Variants in EDA observed in about 807,000 individuals in gnomAD.
EDA encodes ectodysplasin-A.
EDA carries 2 observed loss-of-function variants against 23.6 expected under a neutral mutation model. The observed-to-expected ratio is 0.08, with a 90% CI of 0.03 to 0.27. The LOEUF (loss-of-function observed/expected upper bound fraction) is 0.27. EDA is among the 10% of genes least tolerant of loss of function. EDA has a pLI of 1.00. For missense variants in EDA, 229 were observed against 324.2 expected, an observed-to-expected ratio of 0.71 and a Z score of 2.26; for synonymous variants, 131 against 132.0, an observed-to-expected ratio of 0.99 and a Z score of 0.05.
intron 1 of EDA, among the ~76,000 whole-genome samples, chrX:69,739,962 A>G (rs891102484): frequency 9.0e-6 from 1 of 111,348 alleles, no homozygotes; most frequent in Non-Finnish European, 1.9e-5. Context: ...AGAGTGTATT[A>G]TATTAACCTT....
At chrX:69,653,510 A>G in intron 1 of EDA, among the ~76,000 whole-genome samples, 1 of 111,082 alleles carries the variant, frequency 9.0e-6, no homozygotes, top group Non-Finnish European at 1.9e-5. Flanking sequence ...TTCCAACACT[A>G]TGTTGAATAG....
chrX:69,677,968 G>A (rs1458885399), intron 1 of EDA, among the ~76,000 whole-genome samples: 1 of 111,516 alleles, frequency 9.0e-6, no homozygotes, highest in East Asian at 2.8e-4. Flanking sequence ...TAACATTTAA[G>A]TCTTTAATCC....
intron 1 of EDA, among the ~76,000 whole-genome samples, chrX:69,856,367 G>C (rs1276726637): frequency 1.9e-5 from 2 of 104,506 alleles, no homozygotes; most frequent in African/African-American, 3.5e-5. Context: ...TATTTTCCTC[G>C]AGGTAGATAC....
At chrX:69,642,755 A>G (rs142179270) in intron 1 of EDA, among the ~76,000 whole-genome samples, 35 of 111,446 alleles carry the variant, frequency 3.1e-4, no homozygotes, top group African/African-American at 1.1e-3. Context: ...TAAATACCTC[A>G]CAGAAAACAA....
At chrX:69,706,306 G>T (rs2011719412) in intron 1 of EDA, among the ~76,000 whole-genome samples, 1 of 112,043 alleles carries the variant, frequency 8.9e-6, no homozygotes, top group South Asian at 3.7e-4. Flanking sequence ...GGTTAAAGAA[G>T]CAGGCCACCT....
chrX:69,763,485 T>C (rs5980851), intron 1 of EDA, among the ~76,000 whole-genome samples: 6,718 of 112,015 alleles, frequency 0.06, 204 homozygotes, highest in Middle Eastern at 0.097. Context: ...AATATGGCAA[T>C]GCAACTGAAG....
intron 1 of EDA, among the ~76,000 whole-genome samples, chrX:69,929,709 TG>T (rs2018571908): frequency 2.6e-4 from 8 of 31,041 alleles, no homozygotes; most frequent in South Asian, 2.7e-3. Context: ...TCTATTTTTG[TG>T]TGTGTGTGTG....
intron 2 of EDA, among the ~76,000 whole-genome samples, chrX:69,980,935 T>C (rs1264024115): frequency 8.9e-6 from 1 of 112,297 alleles, no homozygotes; most frequent in Non-Finnish European, 1.9e-5. Context: ...ATGCTTCCAG[T>C]ATCTGTGTTG....
intron 1 of EDA, among the ~76,000 whole-genome samples, chrX:69,730,691 C>G (rs751297142): frequency 1.3e-4 from 15 of 111,722 alleles, no homozygotes; most frequent in Non-Finnish European, 2.6e-4. Flanking sequence ...GCTTAAAATG[C>G]GTGTGTTTGA....
At chrX:69,647,308 C>T (rs972340304) in intron 1 of EDA, among the ~76,000 whole-genome samples, 2 of 111,618 alleles carry the variant, frequency 1.8e-5, no homozygotes, top group African/African-American at 6.5e-5. Flanking sequence ...GTTCCATTCT[C>T]CCTGTCTCTT....
chrX:69,828,407 C>T (rs1248860613), intron 1 of EDA, among the ~76,000 whole-genome samples: 1 of 112,452 alleles, frequency 8.9e-6, no homozygotes, highest in Non-Finnish European at 1.9e-5. Context: ...TCCTGATGCA[C>T]CCTTTTTTAA....
At chrX:69,785,583 G>A (rs2015132953) in intron 1 of EDA, among the ~76,000 whole-genome samples, 1 of 110,644 alleles carries the variant, frequency 9.0e-6, no homozygotes, top group Admixed American at 9.7e-5. Context: ...CTGTTTATAT[G>A]CTGGATTACA....
chrX:69,822,422 A>G (rs778427056), intron 1 of EDA, among the ~76,000 whole-genome samples: 1 of 111,656 alleles, frequency 9.0e-6, no homozygotes, highest in African/African-American at 3.3e-5. Context: ...TAACTTATAG[A>G]TGAACTGGAA....
intron 1 of EDA, among the ~76,000 whole-genome samples, chrX:69,655,787 T>TATATATATATATATATATATATA (rs6151315): frequency 2.2e-3 from 190 of 88,211 alleles, no homozygotes; most frequent in East Asian, 3.8e-3. Flanking sequence ...TATATATATA[T>TATATATATATATATATATATATA]TGCACTTTGT....
chrX:69,709,882 C>G (rs2520365), intron 1 of EDA, among the ~76,000 whole-genome samples: 36,836 of 109,452 alleles, frequency 0.34, 5,232 homozygotes, highest in Middle Eastern at 0.57. Context: ...GTTCATTGTA[C>G]ATTCTGGATA....
chrX:69,635,566 CT>C (rs138087284), intron 1 of EDA, among the ~76,000 whole-genome samples: 18,126 of 62,605 alleles, frequency 0.29, 2,522 homozygotes, highest in Middle Eastern at 0.69. Context: ...AACACCAAAT[CT>C]TTTTTTTTTT....
At chrX:69,968,065 G>A (rs1431476763) in intron 2 of EDA, among the ~76,000 whole-genome samples, 2 of 111,485 alleles carry the variant, frequency 1.8e-5, no homozygotes, top group African/African-American at 3.3e-5. Context: ...TATTACACCC[G>A]GGGACACAAA....
chrX:69,674,109 A>G (rs1000822385), intron 1 of EDA, among the ~76,000 whole-genome samples: 21 of 99,650 alleles, frequency 2.1e-4, no homozygotes, highest in Non-Finnish European at 2.9e-4. Flanking sequence ...AAGCCTATCT[A>G]TCTATCTATC....
intron 1 of EDA, among the ~76,000 whole-genome samples, chrX:69,931,414 G>A (rs1481021429): frequency 1.8e-5 from 2 of 111,571 alleles, no homozygotes; most frequent in African/African-American, 6.5e-5. Context: ...AGGGACAATG[G>A]TGGATATCTG....
Sources: gnomAD v4.1 joint callset for allele counts (sites outside exome capture counted in the v4.1 genomes callset) on GRCh38, gnomAD v4.1.1 for gene constraint, MANE v1.5 for transcripts, NCBI Gene and HGNC (gene_info 2026-07-23, HGNC 2026-07-21) for gene names.